Variants in CMSS1 observed in about 807,000 individuals in gnomAD.
CMSS1 encodes the protein cms1 ribosomal small subunit homolog, also known as protein CMSS1.
A neutral mutation model predicts 43.5 loss-of-function variants in CMSS1; 33 were observed. That is an observed-to-expected ratio of 0.76 (90% CI 0.57 to 1.01). The LOEUF (loss-of-function observed/expected upper bound fraction) is 1.01. Ranked by LOEUF, CMSS1 falls within the 50% of genes least tolerant of loss-of-function variation. The pLI, the probability that CMSS1 is intolerant of heterozygous loss-of-function variation, is 0.00. For missense variants in CMSS1, 313 were observed against 326.4 expected (o/e 0.96, Z 0.32); for synonymous variants, 115 against 117.2 (o/e 0.98, Z 0.12).
intron 1 of CMSS1, among the ~76,000 whole-genome samples, chr3:99,975,840 A>G (rs962842299): frequency 1.3e-5 from 2 of 152,192 alleles, no homozygotes; most frequent in African/African-American, 4.8e-5. Context: ...AACAGCATCC[A>G]TTATTGCATA....
intron 1 of CMSS1, among the ~76,000 whole-genome samples, chr3:99,958,603 A>G (rs1351337036): frequency 6.6e-6 from 1 of 152,138 alleles, no homozygotes; most frequent in Non-Finnish European, 1.5e-5. Flanking sequence ...ATTAGACAAC[A>G]TTTCAGAATA....
chr3:100,065,050 A>G (rs2065640721), intron 1 of CMSS1, among the ~76,000 whole-genome samples: 1 of 152,194 alleles, frequency 6.6e-6, no homozygotes, highest in South Asian at 2.1e-4. Context: ...TTCTTGCTTT[A>G]GGGTCAGTCT....
At chr3:99,876,290 C>A in intron 1 of CMSS1, 1 of 870,316 alleles carries the variant, frequency 1.1e-6, no homozygotes, top group South Asian at 5.2e-5. Flanking sequence ...GACCCTCGGC[C>A]GCGGCGGCGG....
At position 100,125,324 on chromosome 3, in the gene CMSS1, G is replaced by A. The variant is rs774543559; in HGVS notation, c.65-21649G>A. Among the ~76,000 whole-genome samples the A allele has an allele frequency of 4.6e-5, 7 of 152,124 alleles. 1 individual carries two copies. The South Asian group carries it at 8.3e-4, about 18-fold the overall frequency. ...TTCGTTTTGCTGGAAAGGGAAGAGCGGGACACATCTGATCCCTCACTTAGA... is the reference window on the plus strand; with the variant it reads ...TTCGTTTTGCTGGAAAGGGAAGAGCAGGACACATCTGATCCCTCACTTAGA... On this transcript the variant is annotated intron_variant, in intron 1 of 9. Transcript: ENST00000421999.
chr3:100,080,599 A>T (rs891014693), intron 1 of CMSS1, among the ~76,000 whole-genome samples: 3 of 152,194 alleles, frequency 2.0e-5, no homozygotes, highest in African/African-American at 7.2e-5. Flanking sequence ...GAAAGGCTGA[A>T]ACTGGTTAGG....
At chr3:100,087,057 T>C (rs1032298272) in intron 1 of CMSS1, among the ~76,000 whole-genome samples, 1 of 152,250 alleles carries the variant, frequency 6.6e-6, no homozygotes. Context: ...TGCTGTTTAA[T>C]GTGCTGTCAT....
intron 1 of CMSS1, among the ~76,000 whole-genome samples, chr3:100,057,003 C>CA (rs551968595): frequency 2.1e-4 from 31 of 147,044 alleles, no homozygotes; most frequent in Admixed American, 1.0e-3. Flanking sequence ...GACTCTGTCT[C>CA]AAAAAAAAAA....
intron 1 of CMSS1, among the ~76,000 whole-genome samples, chr3:100,060,966 C>A (rs943949658): frequency 1.1e-4 from 16 of 152,132 alleles, no homozygotes; most frequent in African/African-American, 3.9e-4. Context: ...AGAACCACAT[C>A]CTCATTAACC....
chr3:99,927,271 A>G (rs1052998753), intron 1 of CMSS1, among the ~76,000 whole-genome samples: 1 of 152,194 alleles, frequency 6.6e-6, no homozygotes, highest in Non-Finnish European at 1.5e-5. Flanking sequence ...CCATTGCTTA[A>G]GGTAAGTATT....
At chr3:99,820,996 T>G (rs116479356) in intron 1 of CMSS1, among the ~76,000 whole-genome samples, 223 of 152,364 alleles carry the variant, frequency 1.5e-3, no homozygotes, top group African/African-American at 5.0e-3. Flanking sequence ...AGCAAGGCAG[T>G]GGAAGATTTC....
chr3:100,085,442 CTT>C (rs1321463392), intron 1 of CMSS1, among the ~76,000 whole-genome samples: 1 of 152,130 alleles, frequency 6.6e-6, no homozygotes, highest in African/African-American at 2.4e-5. Context: ...TGGGACTATG[CTT>C]TCTCCAAGTG....
At chr3:100,147,265 C>CTTTTT (rs71132514) in intron 2 of CMSS1, among the ~76,000 whole-genome samples, 290 of 86,474 alleles carry the variant, frequency 3.4e-3, no homozygotes, top group Non-Finnish European at 4.2e-3. Context: ...AATTCTTTTT[C>CTTTTT]TTTTTTTTTT....
chr3:99,954,142 G>A (rs913513320), intron 1 of CMSS1, among the ~76,000 whole-genome samples: 12 of 152,226 alleles, frequency 7.9e-5, no homozygotes, highest in African/African-American at 2.9e-4. Flanking sequence ...GTAACTGTGA[G>A]GTACAAATAT....
intron 1 of CMSS1, among the ~76,000 whole-genome samples, chr3:100,034,930 T>G (rs752984731): frequency 7.2e-5 from 11 of 152,186 alleles, no homozygotes; most frequent in Admixed American, 2.6e-4. Context: ...ATTTTAATGT[T>G]TTGACTATCA....
chr3:99,993,900 G>T (rs567734221), intron 1 of CMSS1, among the ~76,000 whole-genome samples: 28 of 152,154 alleles, frequency 1.8e-4, no homozygotes, highest in Middle Eastern at 3.4e-3. Context: ...TGATTTTTGT[G>T]TCTATGTTAA....
intron 1 of CMSS1, among the ~76,000 whole-genome samples, chr3:99,914,720 C>T (rs1346538609): frequency 6.6e-6 from 1 of 152,138 alleles, no homozygotes; most frequent in Non-Finnish European, 1.5e-5. Context: ...TATAAGAATT[C>T]TAAAACAATA....
chr3:100,043,013 C>G (rs1209451125), intron 1 of CMSS1, among the ~76,000 whole-genome samples: 8 of 152,242 alleles, frequency 5.3e-5, no homozygotes. Flanking sequence ...CTAACATAGC[C>G]TGTGCTGGTC....
chr3:99,950,906 T>C (rs1011946320), intron 1 of CMSS1, among the ~76,000 whole-genome samples: 2 of 152,062 alleles, frequency 1.3e-5, no homozygotes, highest in Admixed American at 6.6e-5. Context: ...GAGACAGTAG[T>C]AGCTGGAGGG....
chr3:100,021,023 G>T (rs973953569), intron 1 of CMSS1, among the ~76,000 whole-genome samples: 2 of 152,084 alleles, frequency 1.3e-5, no homozygotes, highest in Admixed American at 1.3e-4. Flanking sequence ...CCTTGGCCTC[G>T]CAAAGTGCTA....
Sources: gnomAD v4.1 joint callset for allele counts (sites outside exome capture counted in the v4.1 genomes callset) on GRCh38, gnomAD v4.1.1 for gene constraint, MANE v1.5 for transcripts, NCBI Gene and HGNC (gene_info 2026-07-23, HGNC 2026-07-21) for gene names.